LRP1B: variants seen among roughly 807,000 people sequenced by gnomAD.
LRP1B encodes the protein LDL receptor related protein 1B.
Under a neutral mutation model 556.6 loss-of-function variants are expected in LRP1B, and 217 were observed. The ratio of observed to expected loss-of-function variants is 0.39; its 90% CI spans 0.35 to 0.44. The LOEUF is 0.44. LRP1B is among the 20% of genes least tolerant of loss of function. LRP1B has a pLI of 1.00. For missense variants in LRP1B, 5,053 were observed against 5,620.8 expected (o/e 0.90, Z 3.23); for synonymous variants, 2,047 against 1,865.8 (o/e 1.10, Z -2.50).
At chr2:141,323,344 G>A (rs998633235) in intron 3 of LRP1B, among the ~76,000 whole-genome samples, 23 of 151,978 alleles carry the variant, frequency 1.5e-4, no homozygotes, top group Admixed American at 2.6e-4. Flanking sequence ...CACAAACTCC[G>A]AAAGTCAGGT....
rs770496017 is a variant in LRP1B, at chr2:140,769,255, T to C, written c.5716A>G (p.Ile1906Val). Residue 1906 changes from isoleucine to valine, a missense_variant, in exon 35 of 91, where the codon ATA becomes GTA. Physicochemically the swap from Ile to Val is conservative, Grantham distance 29 (BLOSUM62 3). Transcript: ENST00000389484. ...PSDKMDALMP[I>V]SGTSFAVGID... ...CCCACGGCAAATGAAGTTCCTGATA[T>C]AGGCATCAAAGCATCCATTTTGTCA... The C allele has an allele frequency of 5.0e-6, 8 of 1,612,382 alleles. No homozygotes were observed. The highest frequency in any genetic ancestry group is 6.8e-6 in the Non-Finnish European group (8 of 1,178,776).
At chr2:141,022,153 G>GATT (rs924906037) in intron 11 of LRP1B, among the ~76,000 whole-genome samples, 4 of 151,188 alleles carry the variant, frequency 2.6e-5, no homozygotes, top group African/African-American at 9.7e-5. Context: ...AATATATAAT[G>GATT]ATTATTATTA....
chr2:140,362,858 C>A (rs1469428262), intron 72 of LRP1B, among the ~76,000 whole-genome samples: 2 of 151,498 alleles, frequency 1.3e-5, no homozygotes, highest in African/African-American at 4.8e-5. Context: ...ACATTAATAT[C>A]CATCTTCCAC....
In LRP1B at chr2:140,463,434, C is replaced by T. The variant is rs538853196; in HGVS notation, c.9626-5783G>A. On this transcript the variant is annotated intron_variant, in intron 60 of 90. Transcript: ENST00000389484. ...AAAAATTATTTCCTGAAACCTACAACGAGCAGCTCTGAAGTGTTTTGTTCA... is the reference window on the plus strand; with the variant it reads ...AAAAATTATTTCCTGAAACCTACAATGAGCAGCTCTGAAGTGTTTTGTTCA... Among the ~76,000 whole-genome samples, 18 of 152,302 alleles carry T rather than the reference C, an allele frequency of 1.2e-4. No homozygotes were observed. The East Asian group carries it at 2.9e-3, about 25-fold the overall frequency.
At chr2:141,815,244 G>A (rs538337596) in intron 1 of LRP1B, among the ~76,000 whole-genome samples, 1 of 152,318 alleles carries the variant, frequency 6.6e-6, no homozygotes, top group African/African-American at 2.4e-5. Context: ...TTAGCTGGTA[G>A]GGAAGAAAGT....
At chr2:141,973,063 G>A (rs1278789417) in intron 1 of LRP1B, among the ~76,000 whole-genome samples, 1 of 151,464 alleles carries the variant, frequency 6.6e-6, no homozygotes, top group Non-Finnish European at 1.5e-5. Context: ...GTATTATTAT[G>A]TAGTGTTTTA....
At chr2:141,820,523 C>T (rs562946238) in intron 1 of LRP1B, among the ~76,000 whole-genome samples, 2 of 152,184 alleles carry the variant, frequency 1.3e-5, no homozygotes, top group Admixed American at 6.5e-5. Flanking sequence ...ATAAACCCAT[C>T]CTGAAAAAAT....
At chr2:141,463,561 T>TATATA (rs1682007951) in intron 3 of LRP1B, among the ~76,000 whole-genome samples, 1 of 18,752 alleles carries the variant, frequency 5.3e-5, no homozygotes, top group African/African-American at 1.2e-4. Flanking sequence ...ATATATAATA[T>TATATA]ATATTATATA....
intron 1 of LRP1B, among the ~76,000 whole-genome samples, chr2:142,071,297 T>C (rs1374297194): frequency 6.6e-6 from 1 of 151,950 alleles, no homozygotes; most frequent in African/African-American, 2.4e-5. Context: ...TATTTTTTAG[T>C]TCTGTTCTGG....
chr2:140,766,334 T>C (rs1280655914), intron 35 of LRP1B, among the ~76,000 whole-genome samples: 1 of 152,104 alleles, frequency 6.6e-6, no homozygotes, highest in Non-Finnish European at 1.5e-5. Flanking sequence ...ACAGAGCTTG[T>C]ATATCACCAC....
At chr2:141,460,607 A>T (rs1681830495) in intron 3 of LRP1B, among the ~76,000 whole-genome samples, 1 of 152,220 alleles carries the variant, frequency 6.6e-6, no homozygotes, top group Admixed American at 6.5e-5. Context: ...TGGATACTGT[A>T]TTGAGAAGAT....
intron 41 of LRP1B, among the ~76,000 whole-genome samples, chr2:140,681,897 A>C (rs1179940234): frequency 6.6e-6 from 1 of 152,224 alleles, no homozygotes; most frequent in African/African-American, 2.4e-5. Context: ...TAAAGTAAAC[A>C]GTCATATAGA....
At chr2:141,055,733 G>A (rs1699162134) in intron 9 of LRP1B, among the ~76,000 whole-genome samples, 1 of 151,686 alleles carries the variant, frequency 6.6e-6, no homozygotes, top group Non-Finnish European at 1.5e-5. Context: ...ATACACTGTT[G>A]AGAAGTGCTG....
intron 3 of LRP1B, among the ~76,000 whole-genome samples, chr2:141,263,095 C>T (rs1231029916): frequency 1.3e-5 from 2 of 151,908 alleles, no homozygotes; most frequent in African/African-American, 4.8e-5. Flanking sequence ...AGCTCTTCTA[C>T]ATATGTTGTT....
At chr2:140,662,742 CAAGTAA>C (rs1172102134) in intron 41 of LRP1B, among the ~76,000 whole-genome samples, 2 of 152,056 alleles carry the variant, frequency 1.3e-5, no homozygotes, top group Admixed American at 6.6e-5. Flanking sequence ...TATCTGTTTT[CAAGTAA>C]AATTCATGAA....
At chr2:141,169,099 G>A (rs932666598) in intron 7 of LRP1B, among the ~76,000 whole-genome samples, 4 of 151,400 alleles carry the variant, frequency 2.6e-5, no homozygotes, top group African/African-American at 4.8e-5. Context: ...CAGCCCAACC[G>A]ACATGGTGAA....
rs540968880 is a variant in LRP1B at position 141,810,046 on chromosome 2, T to TA, written c.205+232dup. Among the ~76,000 whole-genome samples the TA allele has an allele frequency of 4.1e-3, 606 of 147,708 alleles. 4 individuals are homozygous for TA. Among genetic ancestry groups the TA allele is most frequent in the African/African-American group, 0.011 (440 of 40,324 alleles). On this transcript the variant is annotated intron_variant, in intron 2 of 90. Transcript: ENST00000389484. ...ATGCTCTCCTTCACATACTCATATT[T>TA]AAAAAAAAACACAAACAAAAGGTTT... is the stretch of plus-strand genomic sequence containing the variant.
intron 45 of LRP1B, among the ~76,000 whole-genome samples, chr2:140,537,633 G>A (rs575350241): frequency 1.3e-4 from 20 of 152,094 alleles, no homozygotes; most frequent in Non-Finnish European, 2.8e-4. Flanking sequence ...GAGGACAATG[G>A]TCAAGTGGAA....
At chr2:141,512,996 A>G (rs1057084235) in intron 2 of LRP1B, among the ~76,000 whole-genome samples, 1 of 152,134 alleles carries the variant, frequency 6.6e-6, no homozygotes, top group African/African-American at 2.4e-5. Context: ...AAAATAATTA[A>G]TATTTGGGAT....
Sources: allele counts gnomAD v4.1 joint callset (sites outside exome capture counted in the v4.1 genomes callset), GRCh38; gene constraint gnomAD v4.1.1; transcripts MANE v1.5; gene names NCBI Gene and HGNC (gene_info 2026-07-23, HGNC 2026-07-21).